STX3: variants seen among roughly 807,000 people sequenced by gnomAD.
STX3 encodes syntaxin 3.
A neutral mutation model predicts 40.2 loss-of-function variants in STX3; 19 were observed. The observed-to-expected ratio is 0.47, with a 90% CI of 0.33 to 0.69. The LOEUF (loss-of-function observed/expected upper bound fraction) is 0.69, where lower values mean the gene tolerates loss of function less well. STX3 is among the 30% of genes least tolerant of loss of function. STX3 has a pLI of 0.02. For synonymous variants in STX3, 122 were observed against 132.2 expected (o/e 0.92, Z 0.53); for missense variants, 364 against 366.7 (o/e 0.99, Z 0.06).
chr11:59,789,035 C>T, intron 4 of STX3, 88 bp downstream of exon 4: 2 of 1,213,160 alleles, frequency 1.6e-6, no homozygotes, highest in Non-Finnish European at 2.3e-6. Flanking sequence ...TGAAACTCCT[C>T]TTGATGGAAG....
intron 2 of STX3, among the ~76,000 whole-genome samples, chr11:59,778,583 A>G (rs1346519445): frequency 1.3e-5 from 2 of 152,218 alleles, no homozygotes; most frequent in Non-Finnish European, 2.9e-5. Context: ...TTGTTGGGTC[A>G]GTGAAAATGC....
At position 59,793,514 on chromosome 11, in the gene STX3, G is replaced by A. The variant is rs1259866396; in HGVS notation, c.675G>A (p.Gln225=). ...FMDIAMLVEN[Q]GEMLDNIELN... ...ACATCGCCATGCTGGTGGAGAATCA[G>A]GTAAGTGGCAGTGAGTCCCAGCGTG... The change falls in exon 8 of 11, where the codon CAG becomes CAA. Residue 225 remains glutamine, a splice_region_variant and synonymous_variant. Transcript: ENST00000337979. 28 of 1,612,622 alleles carry A rather than the reference G, an allele frequency of 1.7e-5. No individual in the cohort carries two copies. Among genetic ancestry groups the A allele is most frequent in the Non-Finnish European group, 2.4e-5 (28 of 1,179,076 alleles).
At chr11:59,793,862 G>C (rs1252894984) in intron 8 of STX3, among the ~76,000 whole-genome samples, 1 of 150,416 alleles carries the variant, frequency 6.6e-6, no homozygotes, top group Non-Finnish European at 1.5e-5. Flanking sequence ...CTGGAGTGCA[G>C]TGGCGTGATC....
At chr11:59,779,231 A>G (rs1006211786) in intron 2 of STX3, among the ~76,000 whole-genome samples, 38 of 152,156 alleles carry the variant, frequency 2.5e-4, no homozygotes, top group Non-Finnish European at 8.8e-5. Context: ...TGTGTTTCCT[A>G]CAGTTCTGGA....
intron 2 of STX3, among the ~76,000 whole-genome samples, chr11:59,775,381 G>C (rs1263759260): frequency 2.0e-5 from 3 of 152,204 alleles, no homozygotes; most frequent in Non-Finnish European, 4.4e-5. Flanking sequence ...GATGTTTGAA[G>C]TCTTTCTAGC....
chr11:59,779,689 T>G (rs1864227638), intron 2 of STX3, among the ~76,000 whole-genome samples: 1 of 152,174 alleles, frequency 6.6e-6, no homozygotes, highest in Non-Finnish European at 1.5e-5. Context: ...CACGTGGTCC[T>G]AGTGCTTGAG....
At chr11:59,792,620 C>G (rs1865260014) in intron 6 of STX3, among the ~76,000 whole-genome samples, 1 of 152,102 alleles carries the variant, frequency 6.6e-6, no homozygotes, top group Non-Finnish European at 1.5e-5. Flanking sequence ...AAGCCATACC[C>G]TTTAGGAATG....
chr11:59,764,580 C>A (rs1863193309), intron 1 of STX3, among the ~76,000 whole-genome samples: 1 of 152,106 alleles, frequency 6.6e-6, no homozygotes, highest in Non-Finnish European at 1.5e-5. Context: ...GTTAATCCAA[C>A]TTAGTTTTAT....
intron 9 of STX3, among the ~76,000 whole-genome samples, chr11:59,795,948 G>T (rs1036072866): frequency 6.6e-6 from 1 of 152,148 alleles, no homozygotes; most frequent in Non-Finnish European, 1.5e-5. Context: ...AGGCAGTTCT[G>T]TAGGATGGAT....
intron 2 of STX3, among the ~76,000 whole-genome samples, chr11:59,783,912 A>G (rs918866487): frequency 2.0e-5 from 3 of 152,238 alleles, no homozygotes; most frequent in African/African-American, 7.2e-5. Context: ...CCAAATAGAA[A>G]GGTTGATGCG....
chr11:59,795,569 T>TCTG, intron 9 of STX3, 87 bp downstream of exon 9: 1 of 1,547,938 alleles, frequency 6.5e-7, no homozygotes, highest in Non-Finnish European at 8.7e-7. Flanking sequence ...TGTCTCTGTT[T>TCTG]CTGCTGCCAC....
At position 59,801,226 on chromosome 11, in the gene STX3, A is replaced by AT. The variant is rs1419994218; in HGVS notation, c.*409dup. 1.2e-5 allele frequency: 13 copies of AT among 1,085,208 alleles called. No homozygotes were observed. The highest frequency in any genetic ancestry group is 8.1e-4 in the Middle Eastern group (2 of 2,468). 67.2% of individuals were successfully genotyped at this position (1,085,208 alleles called of 1,614,324 possible). ...AGTATTCTCCCAGAAACTGCAATGT[A>AT]TTTTTTTAGGGGAGTATCTTTAACA... On this transcript the variant is annotated 3_prime_UTR_variant, in exon 11 of 11. Transcript: ENST00000337979.
intron 1 of STX3, among the ~76,000 whole-genome samples, chr11:59,772,248 T>A (rs554104491): frequency 7.2e-5 from 11 of 152,346 alleles, no homozygotes; most frequent in Non-Finnish European, 1.3e-4. Context: ...CAGTTCTCTG[T>A]GCTTAGAAAT....
chr11:59,759,188 C>T (rs1430783682), intron 1 of STX3, among the ~76,000 whole-genome samples: 3 of 152,214 alleles, frequency 2.0e-5, no homozygotes, highest in African/African-American at 7.2e-5. Context: ...CTAATCCTCT[C>T]AACCCTGCAA....
intron 2 of STX3, among the ~76,000 whole-genome samples, chr11:59,775,895 CA>C (rs1310287308): frequency 6.6e-6 from 1 of 152,188 alleles, no homozygotes; most frequent in Non-Finnish European, 1.5e-5. Context: ...AGAGGGACAG[CA>C]TGGGGAGGTG....
chr11:59,772,054 C>T (rs1420776633), intron 1 of STX3, among the ~76,000 whole-genome samples: 3 of 152,158 alleles, frequency 2.0e-5, no homozygotes, highest in Non-Finnish European at 2.9e-5. Flanking sequence ...CAACTTCTGC[C>T]GTGGATTCAG....
At chr11:59,768,877 T>C (rs1863412683) in intron 1 of STX3, among the ~76,000 whole-genome samples, 1 of 152,138 alleles carries the variant, frequency 6.6e-6, no homozygotes, top group African/African-American at 2.4e-5. Context: ...GATGAGGAAA[T>C]TGAGGCTCAG....
intron 2 of STX3, among the ~76,000 whole-genome samples, chr11:59,778,996 C>A (rs1448717402): frequency 3.3e-5 from 5 of 152,042 alleles, no homozygotes; most frequent in Non-Finnish European, 1.5e-5. Flanking sequence ...CACAACAATG[C>A]CCAGCTAATT....
intron 1 of STX3, among the ~76,000 whole-genome samples, chr11:59,771,375 G>T (rs1418715938): frequency 6.9e-6 from 1 of 145,136 alleles, no homozygotes; most frequent in Non-Finnish European, 1.5e-5. Context: ...GAGTCTTCCT[G>T]CATAAATTTG....
Sources: gnomAD v4.1 joint callset for allele counts (sites outside exome capture counted in the v4.1 genomes callset) on GRCh38, gnomAD v4.1.1 for gene constraint, MANE v1.5 for transcripts, NCBI Gene and HGNC (gene_info 2026-07-23, HGNC 2026-07-21) for gene names.